The following UVRAG variants were observed in gnomAD, a reference collection of about 807,000 sequenced individuals.
The protein encoded by UVRAG is UV radiation resistance associated, also known as UV radiation resistance-associated gene protein.
UVRAG carries 19 observed loss-of-function variants against 78.0 expected under a neutral mutation model. The ratio of observed to expected loss-of-function variants is 0.24; its 90% CI spans 0.17 to 0.36. The LOEUF (loss-of-function observed/expected upper bound fraction) is 0.36. UVRAG is among the 10% of genes least tolerant of loss of function. The pLI is 1.00. For missense variants in UVRAG, 740 were observed against 853.8 expected (o/e 0.87, Z 1.66); for synonymous variants, 323 against 324.6 (o/e 1.00, Z 0.05).
chr11:76,028,286 C>G (rs1205114100), intron 12 of UVRAG, among the ~76,000 whole-genome samples: 2 of 152,100 alleles, frequency 1.3e-5, no homozygotes, highest in South Asian at 4.1e-4. Flanking sequence ...CCCCATCTCT[C>G]TCCCTCTCCT....
At chr11:75,860,162 C>A (rs555864734) in intron 2 of UVRAG, among the ~76,000 whole-genome samples, 12 of 152,340 alleles carry the variant, frequency 7.9e-5, no homozygotes, top group Admixed American at 4.6e-4. Flanking sequence ...CCAGACTGGT[C>A]TTGAACTGCT....
At position 76,038,308 on chromosome 11, in the gene UVRAG, C is replaced by G. The variant is rs1339557495; in HGVS notation, c.1226+21328C>G. On this transcript the variant is annotated intron_variant, in intron 12 of 14. Coordinates refer to ENST00000356136, the MANE Select transcript of UVRAG (RefSeq NM_003369.4). ...CAGTTCATGAAAATGGAAAAAAATT[C>G]CATTCAGCACCTGCTTCCTTTCAAA... Among the ~76,000 whole-genome samples, 3 of 152,118 alleles carry G rather than the reference C, an allele frequency of 2.0e-5. 1 individual carries two copies. The highest frequency in any genetic ancestry group is 2.0e-4 in the Admixed American group (3 of 15,286).
chr11:76,066,932 A>G (rs1484762940), intron 13 of UVRAG, among the ~76,000 whole-genome samples: 2 of 152,170 alleles, frequency 1.3e-5, no homozygotes, highest in African/African-American at 4.8e-5. Context: ...AATAAGATTT[A>G]CGATGCTTTT....
intron 2 of UVRAG, among the ~76,000 whole-genome samples, chr11:75,855,870 G>C (rs1946277861): frequency 6.6e-6 from 1 of 152,188 alleles, no homozygotes. Flanking sequence ...GTGCTTTTAG[G>C]AGATTGTTTA....
intron 6 of UVRAG, among the ~76,000 whole-genome samples, chr11:75,924,302 T>G (rs1002773645): frequency 3.3e-5 from 5 of 152,060 alleles, no homozygotes; most frequent in African/African-American, 1.2e-4. Context: ...TATAGTATAT[T>G]TTATATATAA....
Position 76,142,998 on chromosome 11 carries a change from C to T in UVRAG, c.*1585C>T, listed in dbSNP as rs1952749706. The stretch of plus-strand genomic sequence containing the variant: ...CAAATAAACCCAACTCTCAGGCAGT[C>T]GAAAGCTTTAACTGGATCTGCAGAA... On this transcript the variant is annotated 3_prime_UTR_variant, in exon 15 of 15. Coordinates refer to ENST00000356136, the MANE Select transcript of UVRAG (RefSeq NM_003369.4). 1 of 152,100 alleles carries T rather than the reference C, an allele frequency of 6.6e-6. No homozygotes were observed. Among genetic ancestry groups the T allele is most frequent in the Admixed American group, 6.6e-5 (1 of 15,260 alleles). The allele number at this position is 152,100 out of a possible 1,614,324, so 9.4% of individuals were successfully genotyped here. A position where few individuals can be genotyped will look rare whatever the true frequency, so the allele number is the denominator to read the frequency against.
chr11:76,087,168 A>G (rs1951602653), intron 13 of UVRAG, among the ~76,000 whole-genome samples: 1 of 152,220 alleles, frequency 6.6e-6, no homozygotes, highest in Non-Finnish European at 1.5e-5. Flanking sequence ...ATGCGCACAC[A>G]CATACATGTG....
chr11:75,986,022 T>C (rs1225530975), intron 8 of UVRAG, among the ~76,000 whole-genome samples: 1 of 152,214 alleles, frequency 6.6e-6, no homozygotes, highest in African/African-American at 2.4e-5. Context: ...GTCATTTTCA[T>C]GTGAATTTCT....
chr11:75,825,117 T>G (rs1162525726), intron 1 of UVRAG, among the ~76,000 whole-genome samples: 1 of 152,006 alleles, frequency 6.6e-6, no homozygotes, highest in Non-Finnish European at 1.5e-5. Context: ...ATGTCTTTTT[T>G]TTTTTTTTGA....
intron 3 of UVRAG, among the ~76,000 whole-genome samples, chr11:75,867,928 T>C (rs1419310197): frequency 6.6e-6 from 1 of 152,220 alleles, no homozygotes; most frequent in East Asian, 1.9e-4. Flanking sequence ...CGGCTACTTT[T>C]AAGGGTGTGC....
At chr11:75,934,270 T>C (rs1948313947) in intron 6 of UVRAG, among the ~76,000 whole-genome samples, 1 of 152,178 alleles carries the variant, frequency 6.6e-6, no homozygotes, top group Non-Finnish European at 1.5e-5. Context: ...TTCTCACTTA[T>C]TTGTGGGAGC....
intron 5 of UVRAG, among the ~76,000 whole-genome samples, chr11:75,899,689 A>G (rs927774692): frequency 5.9e-5 from 9 of 152,228 alleles, no homozygotes; most frequent in Non-Finnish European, 1.2e-4. Context: ...CACATTAACC[A>G]GCACAAAGCA....
intron 6 of UVRAG, among the ~76,000 whole-genome samples, chr11:75,920,650 G>A (rs2135064733): frequency 6.6e-6 from 1 of 152,012 alleles, no homozygotes; most frequent in East Asian, 1.9e-4. Context: ...ATGACCCCTA[G>A]TCACCCTTCA....
At chr11:76,049,322 T>C (rs1950820128) in intron 12 of UVRAG, among the ~76,000 whole-genome samples, 1 of 152,236 alleles carries the variant, frequency 6.6e-6, no homozygotes, top group Admixed American at 6.5e-5. Context: ...ATAATATTGT[T>C]AATAGGACTA....
intron 5 of UVRAG, among the ~76,000 whole-genome samples, chr11:75,907,641 G>C (rs756477520): frequency 1.3e-5 from 2 of 151,690 alleles, no homozygotes; most frequent in Non-Finnish European, 2.9e-5. Flanking sequence ...AGCCTCCTGA[G>C]TAGCCGGGAC....
intron 3 of UVRAG, among the ~76,000 whole-genome samples, chr11:75,868,644 C>G (rs1430609257): frequency 6.6e-6 from 1 of 152,154 alleles, no homozygotes; most frequent in East Asian, 1.9e-4. Flanking sequence ...TTCTTGTGTT[C>G]AGGGAGAGGT....
chr11:76,038,294 A>G (rs1284318873), intron 12 of UVRAG, among the ~76,000 whole-genome samples: 1 of 152,230 alleles, frequency 6.6e-6, no homozygotes, highest in Non-Finnish European at 1.5e-5. Context: ...AGTTCATGAA[A>G]ATGGAAAAAA....
At chr11:75,951,101 T>C (rs1948686707) in intron 6 of UVRAG, among the ~76,000 whole-genome samples, 1 of 152,006 alleles carries the variant, frequency 6.6e-6, no homozygotes, top group African/African-American at 2.4e-5. Flanking sequence ...AGTTTTTGCA[T>C]ATATTTTCCT....
intron 12 of UVRAG, among the ~76,000 whole-genome samples, chr11:76,065,059 C>T (rs1375796084): frequency 1.3e-5 from 2 of 152,194 alleles, no homozygotes; most frequent in African/African-American, 4.8e-5. Context: ...TCTAAAATAA[C>T]TCATTATCTT....
Sources: gnomAD v4.1 joint callset for allele counts (sites outside exome capture counted in the v4.1 genomes callset) on GRCh38, gnomAD v4.1.1 for gene constraint, MANE v1.5 for transcripts, NCBI Gene and HGNC (gene_info 2026-07-23, HGNC 2026-07-21) for gene names.